CIMIP6: variants seen among roughly 807,000 people sequenced by gnomAD.
CIMIP6 encodes the protein ciliary microtubule inner protein 6.
the CIMIP6 span, among the ~76,000 whole-genome samples, chr2:54,348,704 AG>A: frequency 6.6e-6 from 1 of 152,238 alleles, no homozygotes; most frequent in Admixed American, 6.5e-5. Flanking sequence ...TATATGTGCC[AG>A]ATTTTTTACC....
At chr2:54,339,159 A>AAAAATAAAAT in the CIMIP6 span, among the ~76,000 whole-genome samples, 2 of 74,248 alleles carry the variant, frequency 2.7e-5, no homozygotes, top group East Asian at 4.8e-4. Context: ...CATCTCAAGA[A>AAAAATAAAAT]AAAATAAAAT....
chr2:54,376,019 G>A, the CIMIP6 span, among the ~76,000 whole-genome samples: 1 of 151,992 alleles, frequency 6.6e-6, no homozygotes, highest in East Asian at 1.9e-4. Flanking sequence ...TTTTTACAGT[G>A]ACAAAAATTG....
At chr2:54,339,763 G>A in the CIMIP6 span, 1 of 77,228 alleles carries the variant, frequency 1.3e-5, no homozygotes, top group Admixed American at 1.3e-4. Context: ...ATGTTCCACA[G>A]ATGACCACCA....
the CIMIP6 span, among the ~76,000 whole-genome samples, chr2:54,363,815 A>G: frequency 1.6e-4 from 24 of 152,128 alleles, no homozygotes; most frequent in African/African-American, 5.6e-4. Context: ...ATCATTTGCA[A>G]ACTTAGTACT....
At chr2:54,347,665 G>A in the CIMIP6 span, among the ~76,000 whole-genome samples, 2 of 152,102 alleles carry the variant, frequency 1.3e-5, no homozygotes, top group African/African-American at 4.8e-5. Flanking sequence ...ATCAGGGTCT[G>A]TAGATCTACT....
the CIMIP6 span, among the ~76,000 whole-genome samples, chr2:54,378,021 T>C: frequency 6.6e-6 from 1 of 152,158 alleles, no homozygotes; most frequent in Non-Finnish European, 1.5e-5. Flanking sequence ...CGTGTGCCCA[T>C]AGATTCCCCC....
the CIMIP6 span, chr2:54,360,413 T>G: frequency 1.2e-6 from 2 of 1,604,232 alleles, no homozygotes; most frequent in African/African-American, 2.7e-5. Flanking sequence ...AACTCACTTA[T>G]CAGAAACAGA....
At chr2:54,344,210 A>G in the CIMIP6 span, among the ~76,000 whole-genome samples, 2 of 152,208 alleles carry the variant, frequency 1.3e-5, no homozygotes, top group Non-Finnish European at 2.9e-5. Context: ...GCTGATGAAG[A>G]GGGCTATTAG....
chr2:54,375,138 A>C, the CIMIP6 span, among the ~76,000 whole-genome samples: 1 of 152,232 alleles, frequency 6.6e-6, no homozygotes, highest in Admixed American at 6.5e-5. Context: ...ACAGAACAGC[A>C]GGTTTATCTA....
chr2:54,344,709 CT>C, the CIMIP6 span, among the ~76,000 whole-genome samples: 1 of 65,634 alleles, frequency 1.5e-5, no homozygotes, highest in Non-Finnish European at 3.8e-5. Flanking sequence ...GTAAATCAAG[CT>C]GATCCCCCGT....
the CIMIP6 span, among the ~76,000 whole-genome samples, chr2:54,336,348 G>C: frequency 6.6e-6 from 1 of 152,144 alleles, no homozygotes; most frequent in Non-Finnish European, 1.5e-5. Context: ...GAATTACCCA[G>C]TATGTAGCTT....
chr2:54,362,027 A>C, the CIMIP6 span, among the ~76,000 whole-genome samples: 1 of 152,224 alleles, frequency 6.6e-6, no homozygotes, highest in Non-Finnish European at 1.5e-5. Context: ...GATAGTGAAT[A>C]AACTCCTTGT....
the CIMIP6 span, among the ~76,000 whole-genome samples, chr2:54,377,955 A>T: frequency 6.6e-6 from 1 of 152,242 alleles, no homozygotes; most frequent in Admixed American, 6.5e-5. Flanking sequence ...GGGTTGACAT[A>T]CGTGAAACAC....
chr2:54,366,872 G>A, the CIMIP6 span, among the ~76,000 whole-genome samples: 1 of 152,088 alleles, frequency 6.6e-6, no homozygotes, highest in African/African-American at 2.4e-5. Flanking sequence ...TTATATAACT[G>A]TACAAGGTAC....
At chr2:54,334,056 T>C in the CIMIP6 span, among the ~76,000 whole-genome samples, 2 of 152,206 alleles carry the variant, frequency 1.3e-5, no homozygotes, top group African/African-American at 2.4e-5. Context: ...GGATCATGGC[T>C]TTGATTTTAA....
chr2:54,381,813 A>G, the CIMIP6 span: 13 of 1,512,018 alleles, frequency 8.6e-6, no homozygotes, highest in Admixed American at 7.5e-5. Context: ...TTTTCCCATA[A>G]TTTTTCAGTG....
chr2:54,345,435 A>G, the CIMIP6 span, among the ~76,000 whole-genome samples: 1 of 152,188 alleles, frequency 6.6e-6, no homozygotes, highest in African/African-American at 2.4e-5. Context: ...TCCTTCTGGT[A>G]TAGGGAGGAT....
At chr2:54,360,722 G>T in the CIMIP6 span, 2 of 742,374 alleles carry the variant, frequency 2.7e-6, no homozygotes, top group Admixed American at 7.2e-5. Flanking sequence ...ACAACCAAAT[G>T]TTATTAATAA....
At chr2:54,380,643 C>T in the CIMIP6 span, among the ~76,000 whole-genome samples, 2 of 152,228 alleles carry the variant, frequency 1.3e-5, no homozygotes, top group Admixed American at 1.3e-4. Context: ...TGTGCTGATA[C>T]GCTCTCCCCT....
Sources: gnomAD v4.1 joint callset for allele counts (sites outside exome capture counted in the v4.1 genomes callset) on GRCh38, gnomAD v4.1.1 for gene constraint, MANE v1.5 for transcripts, NCBI Gene and HGNC (gene_info 2026-07-23, HGNC 2026-07-21) for gene names.